The following MTCL1 variants were observed in gnomAD, a reference collection of about 807,000 sequenced individuals.
The protein encoded by MTCL1 is microtubule crosslinking factor 1.
A neutral mutation model predicts 141.4 loss-of-function variants in MTCL1; 79 were observed. That is an observed-to-expected ratio of 0.56 (90% CI 0.47 to 0.67). The LOEUF is 0.67. Among genes scored for constraint, MTCL1 ranks in the 30% least tolerant of loss-of-function variants. The pLI is 0.00. For missense variants in MTCL1, 2,177 were observed against 2,113.9 expected (o/e 1.03, Z -0.59); for synonymous variants, 914 against 875.8 (o/e 1.04, Z -0.77).
At chr18:8,791,957 A>G (rs616146) in intron 7 of MTCL1, among the ~76,000 whole-genome samples, 28,789 of 151,994 alleles carry the variant, frequency 0.19, 3,037 homozygotes, top group East Asian at 0.34. Flanking sequence ...TATCCCCAGT[A>G]CTAAGGGAGG....
chr18:8,732,049 A>G (rs183532132), intron 4 of MTCL1, among the ~76,000 whole-genome samples: 1 of 152,248 alleles, frequency 6.6e-6, no homozygotes, highest in East Asian at 1.9e-4. Flanking sequence ...TGTTGAATTT[A>G]TATGCTACAA....
intron 2 of MTCL1, chr18:8,717,991 C>G (rs962441045): frequency 3.9e-6 from 4 of 1,016,054 alleles, no homozygotes; most frequent in East Asian, 9.2e-5. Context: ...GCAATTAGCA[C>G]TTGTTATCCT....
At chr18:8,752,617 T>C (rs916420680) in intron 4 of MTCL1, among the ~76,000 whole-genome samples, 1 of 152,040 alleles carries the variant, frequency 6.6e-6, no homozygotes, top group Non-Finnish European at 1.5e-5. Context: ...TCTTGGGGGG[T>C]AACTATTTAA....
chr18:8,784,168 G>T, exon 6 of MTCL1: 2 of 1,613,824 alleles, frequency 1.2e-6, no homozygotes, highest in Non-Finnish European at 1.7e-6. Context: ...GCGGCAAGGT[G>T]CTCAAACTGC....
At chr18:8,710,347 G>A (rs999014854) in intron 1 of MTCL1, among the ~76,000 whole-genome samples, 14 of 151,746 alleles carry the variant, frequency 9.2e-5, no homozygotes, top group Non-Finnish European at 1.9e-4. Flanking sequence ...AAGCACTCTT[G>A]TTGTCCTTTG....
rs370572897 is a variant in MTCL1, at chr18:8,736,287, GA to G, written c.357+15792del. On this transcript the variant is annotated intron_variant, in intron 4 of 16. Transcript: ENST00000359865. ...AAATCAGTGAAATACGGTATGTGTA[GA>G]TGCTCCTTGACTTATCATGGGGTTA... 6.1e-4 allele frequency among the ~76,000 whole-genome samples: 93 copies of G among 152,288 alleles called. 1 individual carries two copies. Among genetic ancestry groups the G allele is most frequent in the African/African-American group, 2.2e-3 (90 of 41,532 alleles).
exon 15 of MTCL1, chr18:8,826,219 C>T (rs1476274571): frequency 1.2e-6 from 2 of 1,600,172 alleles, no homozygotes; most frequent in South Asian, 2.3e-5. Context: ...ACAGCCGAGC[C>T]AGGGCCCATG....
chr18:8,823,408 A>G (rs2076911356), intron 14 of MTCL1, among the ~76,000 whole-genome samples: 1 of 152,228 alleles, frequency 6.6e-6, no homozygotes, highest in East Asian at 1.9e-4. Context: ...AAATGTGGAA[A>G]GGACCAGGGT....
intron 4 of MTCL1, among the ~76,000 whole-genome samples, chr18:8,735,828 T>A (rs1320987725): frequency 6.6e-6 from 1 of 152,138 alleles, no homozygotes; most frequent in Non-Finnish European, 1.5e-5. Context: ...GTGCCCCCGG[T>A]CATACAACTT....
chr18:8,820,716 C>CCCACTGGA (rs2076818216), intron 13 of MTCL1, among the ~76,000 whole-genome samples: 1 of 152,140 alleles, frequency 6.6e-6, no homozygotes, highest in Non-Finnish European at 1.5e-5. Context: ...TGGGTTCCAG[C>CCCACTGGA]CCACTGGACC....
chr18:8,815,817 T>C (rs2076637120), intron 12 of MTCL1, among the ~76,000 whole-genome samples: 1 of 152,078 alleles, frequency 6.6e-6, no homozygotes, highest in Non-Finnish European at 1.5e-5. Flanking sequence ...AAGGTGGACA[T>C]CTTTGAGCAT....
intron 4 of MTCL1, among the ~76,000 whole-genome samples, chr18:8,763,266 A>G (rs1344903883): frequency 2.0e-5 from 3 of 152,270 alleles, no homozygotes; most frequent in African/African-American, 7.2e-5. Flanking sequence ...TGTCCAAGAA[A>G]GGGACAGCCG....
intron 7 of MTCL1, among the ~76,000 whole-genome samples, chr18:8,787,757 A>G (rs2075568844): frequency 6.6e-6 from 1 of 152,262 alleles, no homozygotes; most frequent in African/African-American, 2.4e-5. Context: ...TCACAAAGAC[A>G]TTTCACACAG....
At chr18:8,781,248 T>TAGTG (rs1456981827) in intron 5 of MTCL1, among the ~76,000 whole-genome samples, 2 of 151,128 alleles carry the variant, frequency 1.3e-5, no homozygotes, top group Non-Finnish European at 2.9e-5. Context: ...CCTCTAGTAT[T>TAGTG]AGTATTAAAC....
intron 4 of MTCL1, among the ~76,000 whole-genome samples, chr18:8,776,310 A>T (rs958573578): frequency 6.6e-6 from 1 of 152,200 alleles, no homozygotes; most frequent in Non-Finnish European, 1.5e-5. Context: ...ATCTTTGCAG[A>T]TTAAGAGGCT....
chr18:8,824,389 C>T (rs1047023532), intron 14 of MTCL1, among the ~76,000 whole-genome samples: 2 of 152,224 alleles, frequency 1.3e-5, no homozygotes, highest in African/African-American at 2.4e-5. Flanking sequence ...CACTGAGGCA[C>T]TGAGGCCTCA....
At position 8,779,838 on chromosome 18, in the gene MTCL1, T is replaced by C. The variant is rs1233237524; in HGVS notation, c.417+1946T>C. ...GACGTTTTGGACATTTTATCAATCCTCAGGTAATCTACAAATTGACCCTTG... is the reference window on the plus strand; with the variant it reads ...GACGTTTTGGACATTTTATCAATCCCCAGGTAATCTACAAATTGACCCTTG... On this transcript the variant is annotated intron_variant, in intron 5 of 16. Transcript: ENST00000359865. The surrounding 1 kb of genome is among the most constrained non-coding windows in gnomAD (Gnocchi z 4.1). Among the ~76,000 whole-genome samples the C allele has an allele frequency of 6.6e-6, 1 of 152,160 alleles. No homozygotes were observed. Among genetic ancestry groups the C allele is most frequent in the Non-Finnish European group, 1.5e-5 (1 of 68,036 alleles).
At chr18:8,802,626 A>C (rs9951680) in intron 10 of MTCL1, among the ~76,000 whole-genome samples, 1,564 of 152,380 alleles carry the variant, frequency 0.01, 28 homozygotes, top group African/African-American at 0.036. Context: ...CTTGGATAGC[A>C]GTCTGATGGA....
intron 14 of MTCL1, 106 bp downstream of exon 13, chr18:8,821,604 T>G (rs953317832): frequency 1.8e-6 from 1 of 562,006 alleles, no homozygotes; most frequent in Non-Finnish European, 3.1e-6. Context: ...TCAAAATGAC[T>G]TAAAATTATG....
Sources: allele counts gnomAD v4.1 joint callset (sites outside exome capture counted in the v4.1 genomes callset), GRCh38; gene constraint gnomAD v4.1.1; non-coding constraint Gnocchi (gnomAD v3.1); transcripts MANE v1.5; gene names NCBI Gene and HGNC (gene_info 2026-07-23, HGNC 2026-07-21).